Variants in LRP1B observed in about 807,000 individuals in gnomAD.
LRP1B encodes LDL receptor related protein 1B, also known as low-density lipoprotein receptor-related protein 1B.
Under a neutral mutation model 556.6 loss-of-function variants are expected in LRP1B, and 217 were observed. The observed-to-expected ratio is 0.39, with a 90% CI of 0.35 to 0.44. The LOEUF is 0.44. LRP1B is among the 20% of genes least tolerant of loss of function. The probability of loss-of-function intolerance (pLI) is 1.00; values close to 1 mark genes in which losing one functional copy is unlikely to be tolerated. For missense variants in LRP1B, 5,053 were observed against 5,620.8 expected (o/e 0.90, Z 3.23); for synonymous variants, 2,047 against 1,865.8 (o/e 1.10, Z -2.50).
chr2:140,588,702 G>A (rs904452170), intron 43 of LRP1B, among the ~76,000 whole-genome samples: 4 of 151,866 alleles, frequency 2.6e-5, no homozygotes, highest in Admixed American at 6.6e-5. Flanking sequence ...GCATTGGCTC[G>A]TGCCTGTAAT....
chr2:141,297,984 T>C (rs1040350050), intron 3 of LRP1B, among the ~76,000 whole-genome samples: 2 of 152,214 alleles, frequency 1.3e-5, no homozygotes, highest in African/African-American at 4.8e-5. Context: ...GTTCACACAA[T>C]AACAAAATTG....
At chr2:140,412,116 A>G (rs1216838089) in intron 66 of LRP1B, among the ~76,000 whole-genome samples, 1 of 152,100 alleles carries the variant, frequency 6.6e-6, no homozygotes, top group Non-Finnish European at 1.5e-5. Context: ...TAGACTCAAA[A>G]AAGAAGCAAA....
In LRP1B at chr2:142,001,767, A is replaced by G. The variant is rs141928778; in HGVS notation, c.82+128881T>C. ...CCAATGGTAATACCATTTAAATTTC[A>G]TACCAACTTCAGATGAAAAGTATGT... On this transcript the variant is annotated intron_variant, in intron 1 of 90. Transcript: ENST00000389484. 6.5e-3 allele frequency among the ~76,000 whole-genome samples: 996 copies of G among 152,300 alleles called. 8 individuals are homozygous for G. Among genetic ancestry groups the G allele is most frequent in the African/African-American group, 0.023 (962 of 41,568 alleles).
chr2:141,269,559 A>C (rs1685010532), intron 3 of LRP1B, among the ~76,000 whole-genome samples: 1 of 152,196 alleles, frequency 6.6e-6, no homozygotes, highest in Non-Finnish European at 1.5e-5. Flanking sequence ...GCTCAAGGTT[A>C]TACCCTCTAA....
At chr2:141,389,883 T>C (rs370566792) in intron 3 of LRP1B, among the ~76,000 whole-genome samples, 1 of 152,222 alleles carries the variant, frequency 6.6e-6, no homozygotes, top group African/African-American at 2.4e-5. Context: ...CTCATGCCTA[T>C]AATCCCAGCA....
At chr2:140,839,628 G>T (rs74914298) in intron 31 of LRP1B, among the ~76,000 whole-genome samples, 2,797 of 152,252 alleles carry the variant, frequency 0.018, 42 homozygotes, top group South Asian at 0.05. Flanking sequence ...CAGGCCTTTG[G>T]CTACAGACTG....
At chr2:141,970,419 G>A (rs570862447) in intron 1 of LRP1B, among the ~76,000 whole-genome samples, 7 of 151,544 alleles carry the variant, frequency 4.6e-5, no homozygotes, top group South Asian at 4.2e-4. Context: ...GATGTACAGC[G>A]TCCACTTATC....
chr2:142,112,773 A>G (rs946892261), intron 1 of LRP1B, among the ~76,000 whole-genome samples: 1 of 152,140 alleles, frequency 6.6e-6, no homozygotes, highest in East Asian at 1.9e-4. Flanking sequence ...AAGACTCTAT[A>G]GTAGGTACTC....
Position 141,954,125 on chromosome 2 carries a change from T to A in LRP1B, c.83-143724A>T, listed in dbSNP as rs143392883. Among the ~76,000 whole-genome samples, 206 of 152,236 alleles carry A rather than the reference T, an allele frequency of 1.4e-3. 3 individuals carry two copies. Among genetic ancestry groups the A allele is most frequent in the African/African-American group, 4.8e-3 (199 of 41,588 alleles). On this transcript the variant is annotated intron_variant, in intron 1 of 90. Transcript: ENST00000389484. ...TCATAATTTGATGCCCAGCATCTAT[T>A]TCCAGGCAAATGTTTTCTATTATTT... is the stretch of plus-strand genomic sequence containing the variant.
chr2:140,433,009 T>C (rs1686019364), intron 66 of LRP1B, among the ~76,000 whole-genome samples: 1 of 152,258 alleles, frequency 6.6e-6, no homozygotes. Flanking sequence ...CTAAGTGTTA[T>C]GAGACATTTT....
At chr2:141,663,867 C>G (rs1429190080) in intron 2 of LRP1B, among the ~76,000 whole-genome samples, 5 of 148,846 alleles carry the variant, frequency 3.4e-5, no homozygotes, top group Admixed American at 6.7e-5. Context: ...AGACAGATAT[C>G]ATCTGCTTTA....
intron 33 of LRP1B, among the ~76,000 whole-genome samples, chr2:140,775,828 T>C (rs1573702046): frequency 6.6e-6 from 1 of 152,260 alleles, no homozygotes; most frequent in East Asian, 1.9e-4. Context: ...ATTTTCTTAT[T>C]CTTGTATTTT....
intron 3 of LRP1B, among the ~76,000 whole-genome samples, chr2:141,480,159 T>TTGTGTG (rs5834837): frequency 0.04 from 6,001 of 149,848 alleles, 145 homozygotes; most frequent in African/African-American, 0.052. Context: ...AAGTCTAAAT[T>TTGTGTG]TGTGTGTGTG....
chr2:140,964,037 A>G (rs959532801), intron 18 of LRP1B, among the ~76,000 whole-genome samples: 3 of 152,172 alleles, frequency 2.0e-5, no homozygotes, highest in Admixed American at 6.5e-5. Flanking sequence ...TATTGGATAC[A>G]AGGCAGAAGG....
At chr2:141,150,869 T>TTG (rs56107003) in intron 7 of LRP1B, among the ~76,000 whole-genome samples, 4,274 of 138,590 alleles carry the variant, frequency 0.031, 92 homozygotes, top group African/African-American at 0.055. Flanking sequence ...TCATGCTGGT[T>TTG]TGTGTGTGTG....
At chr2:140,709,886 A>G (rs1686971221) in intron 37 of LRP1B, among the ~76,000 whole-genome samples, 1 of 152,086 alleles carries the variant, frequency 6.6e-6, no homozygotes, top group Non-Finnish European at 1.5e-5. Flanking sequence ...TCTAAATTCA[A>G]GTCAATAAAT....
chr2:140,238,079 A>T, intron 89 of LRP1B, 73 bp downstream of exon 89: 1 of 1,378,308 alleles, frequency 7.3e-7, no homozygotes, highest in Non-Finnish European at 9.8e-7. Context: ...ACTTGGTGAA[A>T]TTCAGAACCA....
chr2:140,534,164 A>C (rs748358622), intron 46 of LRP1B, 24 bp from the exon 47 acceptor site: 1 of 1,594,142 alleles, frequency 6.3e-7, no homozygotes, highest in South Asian at 1.1e-5. Context: ...GTAGAAACAC[A>C]CAACCAGAGA....
Position 140,595,136 on chromosome 2 carries a change from A to G in LRP1B, c.7194+3495T>C, listed in dbSNP as rs1004143061. ...TATATATATATATATATATATATAT[A>G]TTAGTATGGTTGCCCAAAGGGAATA... On this transcript the variant is annotated intron_variant, in intron 43 of 90. Transcript: ENST00000389484. Among the ~76,000 whole-genome samples, 9 of 116,838 alleles carry G rather than the reference A, an allele frequency of 7.7e-5. No individual in the cohort carries two copies. The South Asian group carries it at 2.6e-3, about 34-fold the overall frequency. 76.7% of individuals were successfully genotyped at this position (116,838 alleles called of 152,430 possible).
Sources: allele counts gnomAD v4.1 joint callset (sites outside exome capture counted in the v4.1 genomes callset), GRCh38; gene constraint gnomAD v4.1.1; transcripts MANE v1.5; gene names NCBI Gene and HGNC (gene_info 2026-07-23, HGNC 2026-07-21).